Variants in TRIT1 observed in about 807,000 individuals in gnomAD.
TRIT1 encodes tRNA dimethylallyltransferase.
Under a neutral mutation model 51.2 loss-of-function variants are expected in TRIT1, and 43 were observed. That is an observed-to-expected ratio of 0.84 (90% CI 0.66 to 1.08). The LOEUF (loss-of-function observed/expected upper bound fraction) is 1.08, where lower values mean the gene tolerates loss of function less well. TRIT1 is among the 50% of genes least tolerant of loss of function. TRIT1 has a pLI of 0.00. For missense variants in TRIT1, 528 were observed against 578.4 expected (o/e 0.91, Z 0.89); for synonymous variants, 184 against 203.9 (o/e 0.90, Z 0.83).
intron 1 of TRIT1, among the ~76,000 whole-genome samples, chr1:39,879,300 T>C (rs1315494354): frequency 1.3e-5 from 2 of 151,860 alleles, no homozygotes; most frequent in Admixed American, 1.3e-4. Context: ...CCCTACTGAT[T>C]GAACCCCACA....
rs116224039 is a variant in TRIT1, at chr1:39,859,006, A to C, written c.175-1589T>G. ...AGTGGTTCATGCCGGTAATCCCAGC[A>C]CTTTGAAAGGCCAAGGCAGGCGGAT... On this transcript the variant is annotated intron_variant, in intron 1 of 10. Coordinates refer to ENST00000316891, the MANE Select transcript of TRIT1 (RefSeq NM_017646.6). Among the ~76,000 whole-genome samples the C allele has an allele frequency of 8.9e-3, 1,355 of 152,252 alleles. 19 individuals carry two copies. The highest frequency in any genetic ancestry group is 0.031 in the African/African-American group (1,275 of 41,536).
At chr1:39,876,823 G>C (rs1644073477) in intron 1 of TRIT1, among the ~76,000 whole-genome samples, 1 of 151,388 alleles carries the variant, frequency 6.6e-6, no homozygotes. Flanking sequence ...AGCTACTCAG[G>C]AGGCTGAGGC....
chr1:39,874,970 C>G (rs982834010), intron 1 of TRIT1, among the ~76,000 whole-genome samples: 32 of 151,816 alleles, frequency 2.1e-4, no homozygotes, highest in Middle Eastern at 6.9e-3. Context: ...GCCCGGCCCC[C>G]GCATGTCTCA....
rs762614486 is a variant in TRIT1, at chr1:39,852,797, C to T, written c.494G>A (p.Arg165His). 1.3e-5 allele frequency: 21 copies of T among 1,614,150 alleles called. No individual in the cohort carries two copies. The highest frequency in any genetic ancestry group is 1.6e-4 in the Middle Eastern group (1 of 6,062). Residue 165 changes from arginine to histidine, a missense_variant, in exon 4 of 11, where the codon CGC becomes CAC. Physicochemically the swap from Arg to His is conservative, Grantham distance 29. This residue lies in a region of TRIT1 where 468 missense variants were observed against 522.6 expected (regional missense o/e 0.90). Transcript: ENST00000316891. ...EKEDGLVLHK[R>H]LSQVDPEMAA... ...CATTTCTGGGTCCACCTGGCTTAGG[C>T]GTTTGTGAAGTACAAGACCATCCTC...
chr1:39,857,615 G>T (rs376766371), intron 1 of TRIT1, among the ~76,000 whole-genome samples, 198 bp from the exon 2 acceptor site: 58 of 152,238 alleles, frequency 3.8e-4, no homozygotes, highest in African/African-American at 1.4e-3. Context: ...TACAGCATTG[G>T]TTTTCTTATC....
At chr1:39,863,770 TG>T (rs918752517) in intron 1 of TRIT1, among the ~76,000 whole-genome samples, 2 of 131,502 alleles carry the variant, frequency 1.5e-5, no homozygotes, top group African/African-American at 5.7e-5. Flanking sequence ...AAAAGAGATA[TG>T]AAAAAAAAAC....
intron 7 of TRIT1, 54 bp downstream of exon 7, chr1:39,847,494 A>C: frequency 1.3e-6 from 2 of 1,579,008 alleles, no homozygotes; most frequent in South Asian, 2.2e-5. Flanking sequence ...ATACCAGCAG[A>C]GTACCCTGCC....
intron 4 of TRIT1, chr1:39,852,504 C>T (rs1324008129): frequency 7.9e-6 from 4 of 504,022 alleles, no homozygotes; most frequent in Admixed American, 3.6e-5. Flanking sequence ...TAGGGGAAAA[C>T]GATATTGTAC....
rs996951108 is a variant in TRIT1, at chr1:39,838,346, T to G, written c.*3398A>C. Among the ~76,000 whole-genome samples the G allele has an allele frequency of 2.4e-4, 36 of 152,356 alleles. No homozygotes were observed. The highest frequency in any genetic ancestry group is 8.7e-4 in the African/African-American group (36 of 41,582). On this transcript the variant is annotated 3_prime_UTR_variant, in exon 11 of 11. Coordinates refer to ENST00000316891, the MANE Select transcript of TRIT1 (RefSeq NM_017646.6). ...TCACTTATGTAGAGACCTACTTAGT[T>G]TTTATGCTTTCATGCAATTGATTCA...
chr1:39,878,099 A>G (rs542187279), intron 1 of TRIT1, among the ~76,000 whole-genome samples: 56 of 152,268 alleles, frequency 3.7e-4, no homozygotes, highest in Non-Finnish European at 6.8e-4. Flanking sequence ...TGACTTCCCA[A>G]TCCACAACTA....
intron 1 of TRIT1, 93 bp from the exon 2 acceptor site, chr1:39,857,510 G>A: frequency 1.4e-6 from 2 of 1,431,108 alleles, no homozygotes; most frequent in Non-Finnish European, 1.9e-6. Flanking sequence ...TCTCCCTCCT[G>A]CCAAACACTT....
At chr1:39,880,268 TA>T (rs1553148795) in intron 1 of TRIT1, among the ~76,000 whole-genome samples, 11,354 of 95,008 alleles carry the variant, frequency 0.12, 613 homozygotes, top group African/African-American at 0.25. Flanking sequence ...AGACCTCAAA[TA>T]AAAAAAAAAA....
Position 39,838,456 on chromosome 1 carries a change from G to C in TRIT1, c.*3288C>G, listed in dbSNP as rs371306004. The stretch of plus-strand genomic sequence containing the variant: ...GGTTGATTTCATGCATGTGTGTTTG[G>C]GGGAGGGGGTTGTTAGTTTTATTTT... On this transcript the variant is annotated 3_prime_UTR_variant, in exon 11 of 11. Coordinates refer to ENST00000316891, the MANE Select transcript of TRIT1 (RefSeq NM_017646.6). Among the ~76,000 whole-genome samples the C allele has an allele frequency of 3.0e-4, 45 of 151,976 alleles. No individual in the cohort carries two copies. In the East Asian group the frequency reaches 7.7e-3, roughly 26 times the overall value.
At position 39,847,584 on chromosome 1, in the gene TRIT1, A is replaced by G; in HGVS notation, c.892T>C (p.Cys298Arg). Residue 298 changes from cysteine (C) to arginine (R), a missense_variant, in exon 7 of 11, where the codon TGC (cysteine) becomes CGC (arginine). Physicochemically the swap from Cys to Arg is radical, Grantham distance 180. Around this residue, in one of 3 missense-constraint regions of TRIT1, gnomAD observed 468 missense variants for 522.6 expected, o/e 0.90. Coordinates refer to ENST00000316891, the MANE Select transcript of TRIT1 (RefSeq NM_017646.6). ...FHEYLITEGK[C>R]TLETSNQLLK... ...AGCTGGTTACTAGTCTCCAGTGTGCATTTTCCCTCAGTGATCAGGTACTCG... is the reference window on the plus strand; with the variant it reads ...AGCTGGTTACTAGTCTCCAGTGTGCGTTTTCCCTCAGTGATCAGGTACTCG... 1 of 1,614,212 alleles carries G rather than the reference A, an allele frequency of 6.2e-7. No individual in the cohort carries two copies. The highest frequency in any genetic ancestry group is 8.5e-7 in the Non-Finnish European group (1 of 1,180,034).
intron 1 of TRIT1, among the ~76,000 whole-genome samples, chr1:39,863,160 A>G (rs1643344215): frequency 6.6e-6 from 1 of 152,230 alleles, no homozygotes; most frequent in South Asian, 2.1e-4. Flanking sequence ...GTTAGTTATG[A>G]AAAGAAGATT....
chr1:39,855,955 A>T (rs904240936), intron 2 of TRIT1, among the ~76,000 whole-genome samples: 1 of 151,906 alleles, frequency 6.6e-6, no homozygotes, highest in Non-Finnish European at 1.5e-5. Flanking sequence ...AGGCAGTAGG[A>T]CCACTTGAGC....
intron 1 of TRIT1, among the ~76,000 whole-genome samples, chr1:39,864,283 C>G (rs1643408129): frequency 6.6e-6 from 1 of 151,902 alleles, no homozygotes; most frequent in South Asian, 2.1e-4. Flanking sequence ...ATGATGCACT[C>G]TGGTCTAGCC....
In TRIT1 at chr1:39,844,118, C is replaced by A; in HGVS notation, c.1217G>T (p.Gly406Val). ...TACTCTACCTGCCCATTCGCGATCC[C>A]CAATGATGATTCGATCACAGAGGTC... ...LCDLCDRIII[G>V]DREWAAHIKS... The change falls in exon 10 of 11, where the codon GGG (glycine) becomes GTG (valine). Residue 406 changes from glycine to valine, a missense_variant. Coordinates refer to ENST00000316891, the MANE Select transcript of TRIT1 (RefSeq NM_017646.6). 12 of 1,613,922 alleles carry A rather than the reference C, an allele frequency of 7.4e-6. No individual in the cohort carries two copies. The highest frequency in any genetic ancestry group is 1.0e-5 in the Non-Finnish European group (12 of 1,179,820).
In TRIT1 at chr1:39,852,596, C is replaced by T. The variant is rs558265892; in HGVS notation, c.560+135G>A. The T allele has an allele frequency of 7.2e-6, 8 of 1,108,320 alleles. No homozygotes were observed. The African/African-American group carries it at 1.3e-4, about 17-fold the overall frequency. 68.7% of individuals were successfully genotyped at this position (1,108,320 alleles called of 1,614,324 possible). On this transcript the variant is annotated intron_variant, in intron 4 of 10. Coordinates refer to ENST00000316891, the MANE Select transcript of TRIT1 (RefSeq NM_017646.6). ...GAAGCAATAACTCAGGGCCTCCCAA[C>T]CTGCTGAGCTAGAACAACACATCAA...
Sources: gnomAD v4.1 joint callset for allele counts (sites outside exome capture counted in the v4.1 genomes callset) on GRCh38, gnomAD v4.1.1 for gene constraint, gnomAD v4.1.1 regional missense constraint, MANE v1.5 for transcripts, NCBI Gene and HGNC (gene_info 2026-07-23, HGNC 2026-07-21) for gene names.